CYP11A1: variants seen among roughly 807,000 people sequenced by gnomAD.
The protein encoded by CYP11A1 is cholesterol side-chain cleavage enzyme, mitochondrial.
In CYP11A1, 25 loss-of-function variants were observed where a neutral mutation model predicts 51.9. The ratio of observed to expected loss-of-function variants is 0.48; its 90% CI spans 0.35 to 0.67. The LOEUF (loss-of-function observed/expected upper bound fraction) is 0.67, where lower values mean the gene tolerates loss of function less well. CYP11A1 is among the 30% of genes least tolerant of loss of function. CYP11A1 has a pLI of 0.00. For missense variants in CYP11A1, 578 were observed against 680.9 expected (o/e 0.85, Z 1.68); for synonymous variants, 245 against 262.1 (o/e 0.93, Z 0.63).
At position 74,347,974 on chromosome 15, in the gene CYP11A1, G is replaced by A; in HGVS notation, c.351C>T (p.Asn117=). Reference sequence around the variant, plus strand: ...AGGGCGGGATGAGGAATCGTTCTGGGTTGGGGCCCTCGGACTTAAAGAGAA... The same window carrying A: ...AGGGCGGGATGAGGAATCGTTCTGGATTGGGGCCCTCGGACTTAAAGAGAA... ...VALLFKSEGP[N]PERFLIPPWV... The change falls in exon 2 of 9, where the codon AAC becomes AAT. Residue 117 remains asparagine (N), a synonymous_variant. Transcript: ENST00000268053. 6.2e-7 allele frequency: 1 copy of A among 1,614,218 alleles called. No homozygotes were observed.
At chr15:74,343,706 C>T (rs560266518) in intron 4 of CYP11A1, 83 bp downstream of exon 4, 47 of 1,246,146 alleles carry the variant, frequency 3.8e-5, no homozygotes, top group Non-Finnish European at 4.9e-5. Context: ...GTCAAGTCAG[C>T]GCCCATTGAC....
At chr15:74,349,058 A>G (rs77678571) in intron 1 of CYP11A1, among the ~76,000 whole-genome samples, 1,550 of 152,230 alleles carry the variant, frequency 0.01, 28 homozygotes, top group African/African-American at 0.035. Flanking sequence ...TGGTGTTCTT[A>G]CATGAAGAGA....
chr15:74,364,653 C>T (rs879269057), intron 1 of CYP11A1: 1 of 152,182 alleles, frequency 6.6e-6, no homozygotes, highest in Non-Finnish European at 1.5e-5. Flanking sequence ...ATTCTTTGTT[C>T]AAGACGCCAA....
At chr15:74,366,017 T>C in intron 1 of CYP11A1, 7 of 986,188 alleles carry the variant, frequency 7.1e-6, no homozygotes, top group Middle Eastern at 5.2e-4. Flanking sequence ...GCCGAGCGCC[T>C]GGACCTCGCC....
chr15:74,359,236 A>G (rs1176071422), intron 1 of CYP11A1, among the ~76,000 whole-genome samples: 1 of 151,646 alleles, frequency 6.6e-6, no homozygotes, highest in Non-Finnish European at 1.5e-5. Flanking sequence ...AATCTCTCCC[A>G]CTCTAGGTTC....
intron 4 of CYP11A1, 67 bp downstream of exon 4, chr15:74,343,722 G>A (rs751908046): frequency 7.5e-5 from 105 of 1,399,824 alleles, no homozygotes; most frequent in East Asian, 2.3e-4. Context: ...TTGACATAGC[G>A]TGGGACAAAG....
At chr15:74,348,904 T>C (rs576579207) in intron 1 of CYP11A1, among the ~76,000 whole-genome samples, 9 of 152,130 alleles carry the variant, frequency 5.9e-5, no homozygotes, top group Non-Finnish European at 8.8e-5. Flanking sequence ...TTTTGTGTTT[T>C]TTGTAGAGAT....
intron 1 of CYP11A1, chr15:74,356,578 A>G (rs1256280823): frequency 6.6e-6 from 1 of 152,230 alleles, no homozygotes; most frequent in East Asian, 1.9e-4. Flanking sequence ...GTGGGTATTG[A>G]CAGCCAGGCT....
rs58205720 is a variant in CYP11A1, at chr15:74,365,059, T to C, written c.269+2258A>G. Reference sequence around the variant, plus strand: ...AGTCATCAAGCCGGCCAACACATCTTACCCTTCCCTCTTCGTGACTGACCC... The same window carrying C: ...AGTCATCAAGCCGGCCAACACATCTCACCCTTCCCTCTTCGTGACTGACCC... On this transcript the variant is annotated intron_variant, in intron 1 of 8. Transcript: ENST00000268053. Among the ~76,000 whole-genome samples, 758 of 152,260 alleles carry C rather than the reference T, an allele frequency of 5.0e-3. 9 individuals carry two copies. Among genetic ancestry groups the C allele is most frequent in the African/African-American group, 0.018 (733 of 41,554 alleles).
At chr15:74,343,728 C>T in intron 4 of CYP11A1, 61 bp downstream of exon 4, 7 of 1,476,332 alleles carry the variant, frequency 4.7e-6, no homozygotes, top group Non-Finnish European at 4.7e-6. Flanking sequence ...TAGCGTGGGA[C>T]AAAGGAGCCG....
At chr15:74,342,080 G>A (rs1413292442) in intron 5 of CYP11A1, among the ~76,000 whole-genome samples, 1 of 152,166 alleles carries the variant, frequency 6.6e-6, no homozygotes, top group Non-Finnish European at 1.5e-5. Context: ...GAGGACATTT[G>A]AGGTCTACTG....
chr15:74,350,097 AAAAGG>A (rs2060649107), intron 1 of CYP11A1: 2 of 379,818 alleles, frequency 5.3e-6, no homozygotes, highest in Non-Finnish European at 1.0e-5. Flanking sequence ...AGAGAGAGAA[AAAAGG>A]AAAGAATTCC....
chr15:74,350,774 C>T (rs2060652412), intron 1 of CYP11A1: 1 of 152,246 alleles, frequency 6.6e-6, no homozygotes, highest in Non-Finnish European at 1.5e-5. Context: ...AGCTCCTACA[C>T]TCAGGCCCCT....
chr15:74,338,393 A>G (rs1596157054), intron 8 of CYP11A1, 178 bp downstream of exon 8: 3 of 756,408 alleles, frequency 4.0e-6, no homozygotes, highest in African/African-American at 1.7e-5. Context: ...TGAGTGGTTG[A>G]GCCCGAAAGA....
chr15:74,367,544 T>A lies in CYP11A1; in HGVS notation c.42A>T (p.Lys14Asn), dbSNP rs2060740611. 2 of 1,614,092 alleles carry A rather than the reference T, an allele frequency of 1.2e-6. No homozygotes were observed. The highest frequency in any genetic ancestry group is 1.7e-6 in the Non-Finnish European group (2 of 1,179,996). ...GGGCACTCAGAAAGGTCTGGCAGCC[T>A]TTGACCAGGACTGAGCGTGGGGGAA... ...KGLPPRSVLV[K>N]GCQTFLSAPR... The change falls in exon 1 of 9, where the codon AAA becomes AAT. Residue 14 changes from lysine to asparagine, a missense_variant. Physicochemically the swap from Lys to Asn is moderately conservative, Grantham distance 94. Transcript: ENST00000268053.
At chr15:74,344,267 G>A (rs543266608) in intron 3 of CYP11A1, among the ~76,000 whole-genome samples, 1 of 152,308 alleles carries the variant, frequency 6.6e-6, no homozygotes, top group South Asian at 2.1e-4. Flanking sequence ...CTGAGAGAGG[G>A]CCTAGCCCAG....
At chr15:74,356,426 G>T (rs1187860329) in intron 1 of CYP11A1, 3 of 152,258 alleles carry the variant, frequency 2.0e-5, no homozygotes, top group African/African-American at 7.2e-5. Context: ...AATCGCCTCA[G>T]AAGCTTCCTG....
intron 5 of CYP11A1, among the ~76,000 whole-genome samples, chr15:74,340,300 T>C (rs2060600637): frequency 1.3e-5 from 2 of 152,262 alleles, no homozygotes; most frequent in South Asian, 4.1e-4. Flanking sequence ...GTGTGGTGTG[T>C]GTTGAAATTA....
intron 1 of CYP11A1, chr15:74,361,867 A>G (rs899962155): frequency 5.3e-6 from 6 of 1,126,884 alleles, no homozygotes; most frequent in African/African-American, 3.0e-5. Flanking sequence ...GCTGGATCCA[A>G]TACAAACGGT....
Sources: gnomAD v4.1 joint callset for allele counts (sites outside exome capture counted in the v4.1 genomes callset) on GRCh38, gnomAD v4.1.1 for gene constraint, MANE v1.5 for transcripts, NCBI Gene and HGNC (gene_info 2026-07-23, HGNC 2026-07-21) for gene names.